B3GALT1: variants seen among roughly 807,000 people sequenced by gnomAD.
B3GALT1 encodes UDP-Gal:betaGlcNAc beta 1,3-galactosyltransferase, polypeptide 1.
Under a neutral mutation model 23.2 loss-of-function variants are expected in B3GALT1, and 10 were observed. The observed-to-expected ratio is 0.43, with a 90% CI of 0.27 to 0.73. The LOEUF (loss-of-function observed/expected upper bound fraction) is 0.73. B3GALT1 is among the 30% of genes least tolerant of loss of function. The pLI, the probability that B3GALT1 is intolerant of heterozygous loss-of-function variation, is 0.21. For missense variants in B3GALT1, 299 were observed against 405.4 expected, an observed-to-expected ratio of 0.74 and a Z score of 2.25; for synonymous variants, 156 against 141.5, an observed-to-expected ratio of 1.10 and a Z score of -0.73.
chr2:167,613,329 T>C (rs567663489), intron 2 of B3GALT1, among the ~76,000 whole-genome samples: 1 of 151,894 alleles, frequency 6.6e-6, no homozygotes, highest in Non-Finnish European at 1.5e-5. Context: ...ATTCATATAG[T>C]ATAATATATT....
chr2:167,732,629 A>G (rs1210769414), intron 3 of B3GALT1, among the ~76,000 whole-genome samples: 2 of 152,236 alleles, frequency 1.3e-5, no homozygotes, highest in Non-Finnish European at 2.9e-5. Context: ...AGGGAAACCA[A>G]TAATTGAATA....
intron 2 of B3GALT1, among the ~76,000 whole-genome samples, chr2:167,589,864 A>G (rs1475789717): frequency 6.6e-6 from 1 of 152,188 alleles, no homozygotes; most frequent in Admixed American, 6.5e-5. Flanking sequence ...TTGAATAATA[A>G]GAAGCTCAGC....
At chr2:167,399,327 G>A (rs1403993102) in intron 1 of B3GALT1, among the ~76,000 whole-genome samples, 2 of 152,062 alleles carry the variant, frequency 1.3e-5, no homozygotes, top group Non-Finnish European at 2.9e-5. Flanking sequence ...CAGAATAGTT[G>A]TTAATTTATA....
intron 1 of B3GALT1, among the ~76,000 whole-genome samples, chr2:167,323,375 T>C (rs912307594): frequency 6.6e-6 from 1 of 152,088 alleles, no homozygotes; most frequent in African/African-American, 2.4e-5. Flanking sequence ...TTTCTACATA[T>C]AGGACTATAT....
intron 1 of B3GALT1, among the ~76,000 whole-genome samples, chr2:167,395,915 T>C (rs1698087418): frequency 6.6e-6 from 1 of 152,150 alleles, no homozygotes; most frequent in Non-Finnish European, 1.5e-5. Context: ...AGTTTGACAA[T>C]ATTGTTTTGA....
At chr2:167,304,716 A>G (rs947484960) in intron 1 of B3GALT1, among the ~76,000 whole-genome samples, 1 of 151,892 alleles carries the variant, frequency 6.6e-6, no homozygotes, top group Non-Finnish European at 1.5e-5. Context: ...CTCAGGAGAG[A>G]CAGAGAAAGA....
chr2:167,572,519 G>T (rs1684312496), intron 2 of B3GALT1, among the ~76,000 whole-genome samples: 1 of 151,728 alleles, frequency 6.6e-6, no homozygotes, highest in Admixed American at 6.6e-5. Flanking sequence ...TGTAAGCATA[G>T]AAAATGAAAC....
chr2:167,774,672 A>G (rs1371180544), intron 3 of B3GALT1, among the ~76,000 whole-genome samples: 1 of 150,768 alleles, frequency 6.6e-6, no homozygotes, highest in Non-Finnish European at 1.5e-5. Context: ...TAATTTTTGT[A>G]TTTTTAGTAG....
intron 2 of B3GALT1, among the ~76,000 whole-genome samples, chr2:167,644,542 A>G (rs1281966050): frequency 6.6e-6 from 1 of 152,116 alleles, no homozygotes; most frequent in Non-Finnish European, 1.5e-5. Context: ...GCACTTTGGT[A>G]GGCTAAGGCG....
At chr2:167,856,799 C>T (rs1435539850) in intron 4 of B3GALT1, among the ~76,000 whole-genome samples, 1 of 152,116 alleles carries the variant, frequency 6.6e-6, no homozygotes, top group East Asian at 1.9e-4. Context: ...AGGAGGAAAG[C>T]ATGATAGTAA....
intron 1 of B3GALT1, among the ~76,000 whole-genome samples, chr2:167,474,580 G>A (rs1253376452): frequency 6.6e-6 from 1 of 151,982 alleles, no homozygotes; most frequent in Non-Finnish European, 1.5e-5. Flanking sequence ...TCTAAATTTT[G>A]ACATATAATC....
At chr2:167,746,992 C>T (rs569854202) in intron 3 of B3GALT1, among the ~76,000 whole-genome samples, 1 of 152,154 alleles carries the variant, frequency 6.6e-6, no homozygotes, top group South Asian at 2.1e-4. Context: ...TGCCCTTTTT[C>T]GCTCCCTTTC....
intron 2 of B3GALT1, among the ~76,000 whole-genome samples, chr2:167,580,610 G>C (rs1003902689): frequency 1.1e-4 from 16 of 152,042 alleles, no homozygotes; most frequent in African/African-American, 3.6e-4. Flanking sequence ...TCTCTGTTGG[G>C]CCTGACTCTA....
chr2:167,560,559 G>C (rs770845701), intron 2 of B3GALT1, among the ~76,000 whole-genome samples: 37 of 152,224 alleles, frequency 2.4e-4, no homozygotes, highest in South Asian at 1.0e-3. Context: ...TTCAGGAAAC[G>C]CATCTCATGT....
intron 1 of B3GALT1, among the ~76,000 whole-genome samples, chr2:167,427,852 G>A (rs1309119681): frequency 6.6e-6 from 1 of 152,024 alleles, no homozygotes; most frequent in African/African-American, 2.4e-5. Context: ...CACAACTTTT[G>A]CCCACAAATA....
At chr2:167,456,771 G>A (rs147406381) in intron 1 of B3GALT1, among the ~76,000 whole-genome samples, 1,926 of 152,238 alleles carry the variant, frequency 0.013, 28 homozygotes, top group Middle Eastern at 0.041. Flanking sequence ...TGGGTGGGGG[G>A]CATGTGGAGC....
intron 1 of B3GALT1, among the ~76,000 whole-genome samples, chr2:167,331,978 G>A (rs1651753402): frequency 6.6e-6 from 1 of 152,190 alleles, no homozygotes; most frequent in Admixed American, 6.5e-5. Context: ...TGCAGCCCTG[G>A]TTGCAGGGCA....
intron 1 of B3GALT1, among the ~76,000 whole-genome samples, chr2:167,372,397 T>C (rs1300114703): frequency 6.6e-6 from 1 of 152,074 alleles, no homozygotes; most frequent in Non-Finnish European, 1.5e-5. Context: ...GTAACTAATA[T>C]GTAGGATGGT....
chr2:167,303,505 T>C (rs1168059550), intron 1 of B3GALT1, among the ~76,000 whole-genome samples: 1 of 152,118 alleles, frequency 6.6e-6, no homozygotes, highest in Admixed American at 6.6e-5. Context: ...TTTAAATCAT[T>C]AGACCAATTA....
Sources: allele counts gnomAD v4.1 joint callset (sites outside exome capture counted in the v4.1 genomes callset), GRCh38; gene constraint gnomAD v4.1.1; transcripts MANE v1.5; gene names NCBI Gene and HGNC (gene_info 2026-07-23, HGNC 2026-07-21).